The following IQSEC3 variants were observed in gnomAD, a reference collection of about 807,000 sequenced individuals.
IQSEC3 encodes IQ motif and SEC7 domain-containing protein 3.
A neutral mutation model predicts 105.4 loss-of-function variants in IQSEC3; 50 were observed. The ratio of observed to expected loss-of-function variants is 0.47; its 90% CI spans 0.38 to 0.60. The LOEUF is 0.60. Among genes scored for constraint, IQSEC3 ranks in the 20% least tolerant of loss-of-function variants. The pLI, the probability that IQSEC3 is intolerant of heterozygous loss-of-function variation, is 0.00. For missense variants in IQSEC3, 1,415 were observed against 1,630.0 expected (o/e 0.87, Z 2.27); for synonymous variants, 708 against 746.0 (o/e 0.95, Z 0.83).
chr12:175,019 A>C lies in IQSEC3; in HGVS notation c.3535A>C (p.Arg1179=). The stretch of plus-strand genomic sequence containing the variant: ...CGGGCACCGCTACTCCAGTGGCTCA[A>C]GGAGCCTGGTGTAGACTCTGCCCCA... ...LHGHRYSSGS[R]SLV The change falls in exon 14 of 14, where the codon AGG becomes CGG. Residue 1179 remains arginine, a synonymous_variant. Transcript: ENST00000538872. 6.4e-7 allele frequency: 1 copy of C among 1,554,920 alleles called. No individual in the cohort carries two copies. The highest frequency in any genetic ancestry group is 8.6e-7 in the Non-Finnish European group (1 of 1,158,212).
At chr12:101,234 CAGCCCT>C (rs1279380648) in intron 2 of IQSEC3, among the ~76,000 whole-genome samples, 1 of 152,212 alleles carries the variant, frequency 6.6e-6, no homozygotes, top group Non-Finnish European at 1.5e-5. Flanking sequence ...TGCCCACCTG[CAGCCCT>C]AGCTCCAGGT....
intron 2 of IQSEC3, among the ~76,000 whole-genome samples, chr12:120,636 A>T (rs1865188085): frequency 6.6e-6 from 1 of 152,122 alleles, no homozygotes; most frequent in African/African-American, 2.4e-5. Flanking sequence ...CTCGGATGTG[A>T]TGTTGTTCTG....
chr12:134,266 C>T (rs1387991808), intron 3 of IQSEC3, among the ~76,000 whole-genome samples: 1 of 152,220 alleles, frequency 6.6e-6, no homozygotes. Flanking sequence ...GCAGTGGCCA[C>T]GGCAGGTGAA....
chr12:174,851 T>G lies in IQSEC3; in HGVS notation c.3367T>G (p.Ser1123Ala). ...LLSQALSCYT[S>A]SSSDSCGSTP... Reference sequence around the variant, plus strand: ...GAGCCAGGCTCTCTCCTGCTACACCTCGTCGTCCTCTGACTCCTGCGGCTC... The same window carrying G: ...GAGCCAGGCTCTCTCCTGCTACACCGCGTCGTCCTCTGACTCCTGCGGCTC... Residue 1123 changes from serine to alanine, a missense_variant, in exon 14 of 14, where the codon TCG becomes GCG. Coordinates refer to ENST00000538872, the MANE Select transcript of IQSEC3 (RefSeq NM_001170738.2). 2 of 1,579,194 alleles carry G rather than the reference T, an allele frequency of 1.3e-6. No individual in the cohort carries two copies. Among genetic ancestry groups the G allele is most frequent in the Non-Finnish European group, 1.7e-6 (2 of 1,171,266 alleles).
At chr12:88,156 A>G (rs1863976136) in intron 1 of IQSEC3, among the ~76,000 whole-genome samples, 1 of 152,220 alleles carries the variant, frequency 6.6e-6, no homozygotes, top group Admixed American at 6.5e-5. Context: ...ATTAAACCTA[A>G]CAGATATTCC....
At chr12:135,445 G>A (rs552509975) in intron 3 of IQSEC3, among the ~76,000 whole-genome samples, 5 of 152,282 alleles carry the variant, frequency 3.3e-5, no homozygotes, top group African/African-American at 9.6e-5. Flanking sequence ...AGATCAAGTG[G>A]GGAAGTGTCC....
intron 13 of IQSEC3, among the ~76,000 whole-genome samples, chr12:172,812 C>G (rs16932141): frequency 0.035 from 5,353 of 152,280 alleles, 276 homozygotes; most frequent in African/African-American, 0.12. Flanking sequence ...CTGCTTTTCA[C>G]TTACTGACCA....
intron 2 of IQSEC3, among the ~76,000 whole-genome samples, chr12:111,436 C>G (rs1171282803): frequency 2.6e-5 from 4 of 152,156 alleles, no homozygotes; most frequent in Non-Finnish European, 4.4e-5. Flanking sequence ...CAGAAGGGTT[C>G]TCTTTAGTTC....
intron 5 of IQSEC3, among the ~76,000 whole-genome samples, chr12:153,575 C>T (rs1252849329): frequency 3.3e-5 from 5 of 152,156 alleles, no homozygotes; most frequent in Non-Finnish European, 1.5e-5. Flanking sequence ...CATTTTTTCC[C>T]CCAGGGTCTG....
intron 3 of IQSEC3, among the ~76,000 whole-genome samples, chr12:137,996 A>T (rs1430879399): frequency 6.6e-6 from 1 of 152,054 alleles, no homozygotes; most frequent in Non-Finnish European, 1.5e-5. Context: ...CACAGCATCG[A>T]TATCTGAACG....
Position 174,937 on chromosome 12 carries a change from G to A in IQSEC3, c.3453G>A (p.Pro1151=), listed in dbSNP as rs772195465. 173 of 621,076 alleles carry A rather than the reference G, an allele frequency of 2.8e-4. No homozygotes were observed. Among genetic ancestry groups the A allele is most frequent in the Non-Finnish European group, 4.1e-4 (165 of 404,988 alleles). 38.5% of individuals were successfully genotyped at this position (621,076 alleles called of 1,614,324 possible). ...TCACCCACCAGCCTCCGCTGCCCCC[G>A]CCCCCACCCCCCTACAACCACCCTC... ...VKVTHQPPLP[P]PPPPYNHPHQ... The change falls in exon 14 of 14, where the codon CCG becomes CCA. Residue 1151 remains proline, a synonymous_variant. Coordinates refer to ENST00000538872, the MANE Select transcript of IQSEC3 (RefSeq NM_001170738.2).
intron 1 of IQSEC3, among the ~76,000 whole-genome samples, chr12:79,327 CA>C (rs1655119892): frequency 6.6e-6 from 1 of 152,188 alleles, no homozygotes; most frequent in African/African-American, 2.4e-5. Context: ...GCTAAAGCCT[CA>C]GGGCTCTTTC....
At position 126,020 on chromosome 12, in the gene IQSEC3, C is replaced by T. The variant is rs191687286; in HGVS notation, c.903+108C>T. ...CGCTGGGTCCCCTCCGCTACAGGCA[C>T]ACCTCTTTTGCCACAGTTCTCCTGC... On this transcript the variant is annotated intron_variant, in intron 3 of 13. Coordinates refer to ENST00000538872, the MANE Select transcript of IQSEC3 (RefSeq NM_001170738.2). 114 of 1,155,288 alleles carry T rather than the reference C, an allele frequency of 9.9e-5. No individual in the cohort carries two copies. In the East Asian group the frequency reaches 2.9e-3, roughly 30 times the overall value. The allele number at this position is 1,155,288 out of a possible 1,614,324, so 71.6% of individuals were successfully genotyped here.
intron 1 of IQSEC3, 26 bp downstream of exon 1, chr12:67,462 T>A: frequency 6.3e-7 from 1 of 1,596,868 alleles, no homozygotes; most frequent in Non-Finnish European, 8.5e-7. Context: ...AGATGGGCAC[T>A]GTTGTGGTGG....
At chr12:75,186 T>C (rs1295693239) in intron 1 of IQSEC3, among the ~76,000 whole-genome samples, 1 of 152,274 alleles carries the variant, frequency 6.6e-6, no homozygotes, top group African/African-American at 2.4e-5. Flanking sequence ...AAGAGTTTAT[T>C]TGAGCAATCT....
At chr12:128,301 A>T (rs1310541064) in intron 3 of IQSEC3, among the ~76,000 whole-genome samples, 4 of 151,996 alleles carry the variant, frequency 2.6e-5, no homozygotes, top group African/African-American at 4.8e-5. Flanking sequence ...GTTCCTCATT[A>T]TATTCTCAGT....
chr12:80,589 T>A (rs1388039370), intron 1 of IQSEC3, among the ~76,000 whole-genome samples: 1 of 152,192 alleles, frequency 6.6e-6, no homozygotes, highest in East Asian at 1.9e-4. Context: ...TCCTTTCACT[T>A]AACAAATATT....
At chr12:132,018 G>A (rs1865618524) in intron 3 of IQSEC3, among the ~76,000 whole-genome samples, 2 of 152,156 alleles carry the variant, frequency 1.3e-5, no homozygotes, top group Non-Finnish European at 2.9e-5. Flanking sequence ...GAAAGGGAGG[G>A]AAGGATGGGT....
At chr12:127,452 G>A (rs1210110262) in intron 3 of IQSEC3, among the ~76,000 whole-genome samples, 2 of 152,096 alleles carry the variant, frequency 1.3e-5, no homozygotes, top group East Asian at 1.9e-4. Flanking sequence ...GGAGGCGGAG[G>A]TTGCAGTGAG....
Sources: gnomAD v4.1 joint callset for allele counts (sites outside exome capture counted in the v4.1 genomes callset) on GRCh38, gnomAD v4.1.1 for gene constraint, MANE v1.5 for transcripts, NCBI Gene and HGNC (gene_info 2026-07-23, HGNC 2026-07-21) for gene names.